Variants in PLXNA4 observed in about 807,000 individuals in gnomAD.
PLXNA4 encodes plexin-A4.
Under a neutral mutation model 191.8 loss-of-function variants are expected in PLXNA4, and 44 were observed. That is an observed-to-expected ratio of 0.23 (90% CI 0.18 to 0.29). PLXNA4 has a LOEUF of 0.29. PLXNA4 is among the 10% of genes least tolerant of loss of function. The pLI, the probability that PLXNA4 is intolerant of heterozygous loss-of-function variation, is 1.00. For missense variants in PLXNA4, 1,800 were observed against 2,488.8 expected (o/e 0.72, Z 5.89); for synonymous variants, 1,082 against 1,009.5 (o/e 1.07, Z -1.36).
intron 4 of PLXNA4, among the ~76,000 whole-genome samples, chr7:132,296,052 C>A (rs991677406): frequency 6.6e-6 from 1 of 152,210 alleles, no homozygotes; most frequent in African/African-American, 2.4e-5. Flanking sequence ...CACTGTTCTA[C>A]AAATCTCCAC....
rs1482262886 is a variant in PLXNA4, at chr7:132,125,358, T to A, written c.*5121A>T. The A allele has an allele frequency of 2.6e-5, 4 of 151,770 alleles. No individual in the cohort carries two copies. Among genetic ancestry groups the A allele is most frequent in the Non-Finnish European group, 5.9e-5 (4 of 68,012 alleles). 9.4% of individuals were successfully genotyped at this position (151,770 alleles called of 1,614,324 possible). On this transcript the variant is annotated 3_prime_UTR_variant, in exon 32 of 32. Coordinates refer to ENST00000321063, the MANE Select transcript of PLXNA4 (RefSeq NM_020911.2). Reference sequence around the variant, plus strand: ...AGCACCAGGAATAGCAGCAGCCATGTGAGATGCCACCCCTAGCATTGTCCT... The same window carrying A: ...AGCACCAGGAATAGCAGCAGCCATGAGAGATGCCACCCCTAGCATTGTCCT...
chr7:132,541,111 A>G (rs1800060917), intron 1 of PLXNA4, among the ~76,000 whole-genome samples: 2 of 152,242 alleles, frequency 1.3e-5, no homozygotes, highest in African/African-American at 4.8e-5. Context: ...AAGTAACAGC[A>G]GCACACAAAA....
At chr7:132,498,499 C>T (rs1483758402) in intron 2 of PLXNA4, among the ~76,000 whole-genome samples, 2 of 152,158 alleles carry the variant, frequency 1.3e-5, no homozygotes, top group Non-Finnish European at 2.9e-5. Flanking sequence ...ATCACGAAAA[C>T]AGCACAGGAA....
Position 132,133,056 on chromosome 7 carries a change from C to T in PLXNA4, c.5582G>A (p.Ser1861Asn), listed in dbSNP as rs746373472. Residue 1861 changes from serine to asparagine, a missense_variant, in exon 31 of 32, where the codon AGC becomes AAC. Transcript: ENST00000321063. ...SEIFSYVGKY[S>N]EEILGPLDHD... ...GAGCAGGGCAAAGCTTACCTCCTCGCTGTATTTGCCCACATAGGAGAAGAT... is the reference window on the plus strand; with the variant it reads ...GAGCAGGGCAAAGCTTACCTCCTCGTTGTATTTGCCCACATAGGAGAAGAT... 1 of 1,613,856 alleles carries T rather than the reference C, an allele frequency of 6.2e-7. No individual in the cohort carries two copies. Among genetic ancestry groups the T allele is most frequent in the Middle Eastern group, 1.7e-4 (1 of 6,058 alleles).
intron 1 of PLXNA4, among the ~76,000 whole-genome samples, chr7:132,553,986 C>A (rs987413394): frequency 3.3e-5 from 5 of 152,096 alleles, no homozygotes; most frequent in African/African-American, 1.2e-4. Flanking sequence ...TGTATATCAC[C>A]AAAAGCCCTG....
intron 3 of PLXNA4, among the ~76,000 whole-genome samples, chr7:132,351,361 C>T (rs920102189): frequency 6.6e-6 from 1 of 152,146 alleles, no homozygotes; most frequent in African/African-American, 2.4e-5. Flanking sequence ...AAAAACTCTG[C>T]TTTTTAAATG....
At chr7:132,360,237 G>A (rs1251907133) in intron 3 of PLXNA4, among the ~76,000 whole-genome samples, 1 of 152,154 alleles carries the variant, frequency 6.6e-6, no homozygotes, top group African/African-American at 2.4e-5. Flanking sequence ...CGGTCTCAGA[G>A]GGTGGGAGAG....
At chr7:132,320,268 A>C (rs1435450129) in intron 3 of PLXNA4, among the ~76,000 whole-genome samples, 1 of 152,148 alleles carries the variant, frequency 6.6e-6, no homozygotes, top group East Asian at 1.9e-4. Flanking sequence ...GTAGGGCTGA[A>C]TCCTTCATTG....
intron 5 of PLXNA4, among the ~76,000 whole-genome samples, chr7:132,236,200 C>T (rs1798694872): frequency 1.3e-5 from 2 of 152,170 alleles, no homozygotes; most frequent in Admixed American, 1.3e-4. Flanking sequence ...GCCACATGAG[C>T]CACCTGTTTA....
In PLXNA4 at chr7:132,417,662, A is replaced by C. The variant is rs528358330; in HGVS notation, c.1371+71630T>G. Reference sequence around the variant, plus strand: ...GTGTGTGAGGGAGAGAGAGAAGGAGAGAGAGAAAAAGACTGAAAAGGAGAG... The same window carrying C: ...GTGTGTGAGGGAGAGAGAGAAGGAGCGAGAGAAAAAGACTGAAAAGGAGAG... On this transcript the variant is annotated intron_variant, in intron 3 of 31. Transcript: ENST00000321063. 2.0e-5 allele frequency among the ~76,000 whole-genome samples: 3 copies of C among 150,490 alleles called. No homozygotes were observed. In the East Asian group the frequency reaches 5.9e-4, roughly 30 times the overall value.
chr7:132,507,467 C>A, intron 2 of PLXNA4, 39 bp downstream of exon 2: 1 of 1,564,970 alleles, frequency 6.4e-7, no homozygotes. Flanking sequence ...TCATCCTACA[C>A]TCCCAACCAT....
Position 132,226,254 on chromosome 7 carries a change from T to C in PLXNA4, c.1889A>G (p.His630Arg). ...VPRIITENGD[H>R]HVVQLQLKSK... ...TTTGAGCTGAAGCTGTACGACATGGTGGTCCCCTACAAGGAGAGATGGCTG... is the reference window on the plus strand; with the variant it reads ...TTTGAGCTGAAGCTGTACGACATGGCGGTCCCCTACAAGGAGAGATGGCTG... Residue 630 changes from histidine to arginine, a missense_variant, in exon 8 of 32, where the codon CAC becomes CGC. By Grantham distance (29) the His-to-Arg change is conservative (BLOSUM62 0). Around this residue, in one of 6 missense-constraint regions of PLXNA4, gnomAD observed 1,397 missense variants for 1,880.4 expected, o/e 0.74. Coordinates refer to ENST00000321063, the MANE Select transcript of PLXNA4 (RefSeq NM_020911.2). The C allele has an allele frequency of 6.2e-7, 1 of 1,613,208 alleles. No homozygotes were observed. Among genetic ancestry groups the C allele is most frequent in the South Asian group, 1.1e-5 (1 of 91,048 alleles).
chr7:132,493,663 T>C (rs911935111), intron 2 of PLXNA4, among the ~76,000 whole-genome samples: 2 of 151,612 alleles, frequency 1.3e-5, no homozygotes, highest in South Asian at 2.1e-4. Context: ...TGGCTTATAA[T>C]AGGCTAATAC....
chr7:132,588,610 G>A (rs1177104745), intron 2 of PLXNA4, among the ~76,000 whole-genome samples: 1 of 124,368 alleles, frequency 8.0e-6, no homozygotes, highest in East Asian at 2.8e-4. Flanking sequence ...ACTACAGGAA[G>A]AGAGAACACA....
chr7:132,194,276 G>A, intron 13 of PLXNA4, 97 bp from the exon 14 acceptor site: 2 of 1,470,968 alleles, frequency 1.4e-6, no homozygotes, highest in Non-Finnish European at 1.8e-6. Flanking sequence ...TCCACAGTAG[G>A]ATCTCAGGGA....
chr7:132,209,533 T>A (rs1352660679), intron 10 of PLXNA4, among the ~76,000 whole-genome samples: 2 of 152,008 alleles, frequency 1.3e-5, no homozygotes, highest in African/African-American at 4.8e-5. Context: ...AGAAATAGCC[T>A]GGCAGCCAGG....
chr7:132,430,303 C>T (rs189153199), intron 3 of PLXNA4, among the ~76,000 whole-genome samples: 4 of 152,246 alleles, frequency 2.6e-5, no homozygotes. Context: ...GGACATTACT[C>T]CTCTTCTGCA....
At chr7:132,389,747 G>C (rs1373113287) in intron 3 of PLXNA4, among the ~76,000 whole-genome samples, 1 of 152,172 alleles carries the variant, frequency 6.6e-6, no homozygotes, top group Non-Finnish European at 1.5e-5. Flanking sequence ...TCTTGGCTAT[G>C]TGGGCTCTTT....
At chr7:132,275,597 T>C (rs1280246527) in intron 4 of PLXNA4, among the ~76,000 whole-genome samples, 2 of 152,160 alleles carry the variant, frequency 1.3e-5, no homozygotes, top group African/African-American at 4.8e-5. Context: ...TTAGCTCTCA[T>C]ACTGTTGCTG....
Sources: gnomAD v4.1 joint callset for allele counts (sites outside exome capture counted in the v4.1 genomes callset) on GRCh38, gnomAD v4.1.1 for gene constraint, gnomAD v4.1.1 regional missense constraint, MANE v1.5 for transcripts, NCBI Gene and HGNC (gene_info 2026-07-23, HGNC 2026-07-21) for gene names.